TNXB: variants seen among roughly 807,000 people sequenced by gnomAD.
TNXB encodes the protein tenascin-X.
A neutral mutation model predicts 340.5 loss-of-function variants in TNXB; 183 were observed. The observed-to-expected ratio is 0.54, with a 90% CI of 0.48 to 0.61. The LOEUF is 0.61. TNXB is among the 20% of genes least tolerant of loss of function. The pLI is 0.00. For synonymous variants in TNXB, 2,121 were observed against 2,314.5 expected, an observed-to-expected ratio of 0.92 and a Z score of 2.40; for missense variants, 4,613 against 5,446.4, an observed-to-expected ratio of 0.85 and a Z score of 4.82.
In TNXB at chr6:32,062,775, GC is replaced by G. The variant is rs1554319338; in HGVS notation, c.6842-293del. Reference sequence around the variant, plus strand: ...ATGCTTTATAAGAACACCAACCAGGGCCGGGTGTGGTGGCTCAGGCCTGTAA... The same window carrying G: ...ATGCTTTATAAGAACACCAACCAGGGCGGGTGTGGTGGCTCAGGCCTGTAA... On this transcript the variant is annotated intron_variant, in intron 19 of 43. Transcript: ENST00000644971. This position sits in a 1 kb window ranked among gnomAD's most constrained non-coding sequence, Gnocchi z 4.3. 1.3e-5 allele frequency among the ~76,000 whole-genome samples: 2 copies of G among 152,244 alleles called. No homozygotes were observed. The highest frequency in any genetic ancestry group is 2.9e-5 in the Non-Finnish European group (2 of 68,042).
In TNXB at chr6:32,062,232, T is replaced by G. The variant is rs1195935577; in HGVS notation, c.7093A>C (p.Asn2365His). The change falls in exon 20 of 44, where the codon AAC (asparagine) becomes CAC (histidine). Residue 2365 changes from asparagine to histidine, a missense_variant. Physicochemically the swap from Asn to His is moderately conservative, Grantham distance 68. Coordinates refer to ENST00000644971, the MANE Select transcript of TNXB (RefSeq NM_001365276.2). This position sits in a 1 kb window ranked among gnomAD's most constrained non-coding sequence, Gnocchi z 4.3. ...RVTISGLEPD[N>H]KYKMNLYGFH... ...CCGTACAGGTTCATCTTGTACTTGT[T>G]GTCTGGCTCCAGGCCGGAGATGGTG... 1.3e-5 allele frequency: 21 copies of G among 1,613,292 alleles called. 1 individual carries two copies. Among genetic ancestry groups the G allele is most frequent in the East Asian group, 4.5e-5 (2 of 44,888 alleles).
rs986920165 is a variant in TNXB, at chr6:32,108,302, C to A, written c.-9+879G>T. Among the ~76,000 whole-genome samples the A allele has an allele frequency of 1.3e-5, 2 of 152,110 alleles. No homozygotes were observed. Among genetic ancestry groups the A allele is most frequent in the Admixed American group, 6.5e-5 (1 of 15,282 alleles). ...TCTATGCCATTAAATTCTTTCCAGG[C>A]GAGATAAGGGGCCCGCCCTTCCCAC... On this transcript the variant is annotated intron_variant, in intron 1 of 43. Transcript: ENST00000644971. This position sits in a 1 kb window ranked among gnomAD's most constrained non-coding sequence, Gnocchi z 4.8.
chr6:32,077,293 C>G (rs746210317), intron 11 of TNXB, among the ~76,000 whole-genome samples: 1 of 152,196 alleles, frequency 6.6e-6, no homozygotes, highest in South Asian at 2.1e-4. Flanking sequence ...GTGGCTTTGC[C>G]GTCTCCCTCT....
At chr6:32,099,398 A>G (rs1307057132) in intron 1 of TNXB, among the ~76,000 whole-genome samples, 3 of 152,080 alleles carry the variant, frequency 2.0e-5, no homozygotes, top group Non-Finnish European at 4.4e-5. Flanking sequence ...ATGCCCAGCT[A>G]ATTTTTGTAT....
chr6:32,095,304 C>T, intron 3 of TNXB, 113 bp from the exon 4 acceptor site: 1 of 822,442 alleles, frequency 1.2e-6, no homozygotes, highest in African/African-American at 1.7e-5. Context: ...CCACTCCTCT[C>T]TGCTAGTGGA....
In TNXB at chr6:32,052,594, T is replaced by C. The variant is rs1777346452; in HGVS notation, c.9115+76A>G. On this transcript the variant is annotated intron_variant, in intron 26 of 43. Coordinates refer to ENST00000644971, the MANE Select transcript of TNXB (RefSeq NM_001365276.2). This position sits in a 1 kb window ranked among gnomAD's most constrained non-coding sequence, Gnocchi z 4.7. ...AGGAAGGAATACTCTTCAGAGTATG[T>C]TTTCACGAAGACTGGAGAGACAGCA... 1.3e-6 allele frequency: 2 copies of C among 1,556,190 alleles called. No homozygotes were observed. Among genetic ancestry groups the C allele is most frequent in the South Asian group, 1.2e-5 (1 of 85,780 alleles).
In TNXB at chr6:32,097,554, C is replaced by T; in HGVS notation, c.404-105G>A. On this transcript the variant is annotated intron_variant, in intron 2 of 43. Transcript: ENST00000644971. This position sits in a 1 kb window ranked among gnomAD's most constrained non-coding sequence, Gnocchi z 5.9. ...GCCCCTAGCCAGGCTAGCCTCATCT[C>T]ATAAGGCCATGTCTGCTCCCAGTTG... 1 of 1,363,772 alleles carries T rather than the reference C, an allele frequency of 7.3e-7. No individual in the cohort carries two copies. The highest frequency in any genetic ancestry group is 9.9e-7 in the Non-Finnish European group (1 of 1,014,558). The allele number at this position is 1,363,772 out of a possible 1,614,324, so 84.5% of individuals were successfully genotyped here.
Position 32,056,119 on chromosome 6 carries a change from G to A in TNXB, c.8199C>T (p.Pro2733=), listed in dbSNP as rs1339039342. ...PTELSTEAPE[P]PEEPLLGELT... is the part of the protein sequence containing the mutation. ...GCTCCCCCAGGAGCGGCTCCTCAGGGGGCTCCGGGGCCTCAGTGCTGAGTT... is the reference window on the plus strand; with the variant it reads ...GCTCCCCCAGGAGCGGCTCCTCAGGAGGCTCCGGGGCCTCAGTGCTGAGTT... The change falls in exon 24 of 44, where the codon CCC becomes CCT. Residue 2733 remains proline (P), a synonymous_variant. Transcript: ENST00000644971. The A allele has an allele frequency of 3.1e-6, 5 of 1,612,554 alleles. No homozygotes were observed. The highest frequency in any genetic ancestry group is 4.2e-6 in the Non-Finnish European group (5 of 1,179,842).
chr6:32,085,973 C>T lies in TNXB; in HGVS notation c.2925G>A (p.Gly975=), dbSNP rs1214132490. 6.2e-7 allele frequency: 1 copy of T among 1,608,116 alleles called. No homozygotes were observed. Among genetic ancestry groups the T allele is most frequent in the Middle Eastern group, 1.8e-4 (1 of 5,458 alleles). Residue 975 remains glycine (G), a synonymous_variant, in exon 7 of 44, where the codon GGG becomes GGA. Transcript: ENST00000644971. The surrounding 1 kb of genome is among the most constrained non-coding windows in gnomAD (Gnocchi z 6.4). ...ELRVLGRDET[G]RLRVVWTAQP... ...GGGCGGTCCAGACCACACGGAGGCG[C>T]CCTGTCTCATCTCTGCCCAGCACCC...
chr6:32,097,163 C>T lies in TNXB; in HGVS notation c.690G>A (p.Gln230=). The T allele has an allele frequency of 6.3e-7, 1 of 1,592,994 alleles. No individual in the cohort carries two copies. Among genetic ancestry groups the T allele is most frequent in the Non-Finnish European group, 8.5e-7 (1 of 1,170,836 alleles). ...GDCQGRGRCV[Q]GVCVCRAGFS... Reference sequence around the variant, plus strand: ...AGCCTGCCCGGCACACACACACGCCCTGCACGCAGCGCCCACGGCCTTGGC... The same window carrying T: ...AGCCTGCCCGGCACACACACACGCCTTGCACGCAGCGCCCACGGCCTTGGC... Residue 230 remains glutamine (Q), a synonymous_variant, in exon 3 of 44, where the codon CAG becomes CAA. Transcript: ENST00000644971. This position sits in a 1 kb window ranked among gnomAD's most constrained non-coding sequence, Gnocchi z 5.9.
intron 1 of TNXB, among the ~76,000 whole-genome samples, chr6:32,105,673 C>T (rs1049246866): frequency 4.6e-5 from 7 of 152,334 alleles, no homozygotes; most frequent in African/African-American, 9.6e-5. Flanking sequence ...TGGTTAGACA[C>T]AGCCACCAGG....
chr6:32,070,074 T>G lies in TNXB; in HGVS notation c.5278+53A>C. On this transcript the variant is annotated intron_variant, in intron 14 of 43. Transcript: ENST00000644971. The surrounding 1 kb of genome is among the most constrained non-coding windows in gnomAD (Gnocchi z 6.0). ...ATGGCAGCCACCACAAGTGACCGTCTGCTGCTTGGCCTGAGGGGAGCAGAG... is the reference window on the plus strand; with the variant it reads ...ATGGCAGCCACCACAAGTGACCGTCGGCTGCTTGGCCTGAGGGGAGCAGAG... 6.7e-7 allele frequency: 1 copy of G among 1,488,034 alleles called. No individual in the cohort carries two copies. The highest frequency in any genetic ancestry group is 8.9e-7 in the Non-Finnish European group (1 of 1,124,014). The allele number at this position is 1,488,034 out of a possible 1,614,324, so 92.2% of individuals were successfully genotyped here.
At position 32,068,541 on chromosome 6, in the gene TNXB, A is replaced by T; in HGVS notation, c.6069T>A (p.Asn2023Lys). ...QFDHFLVQYR[N>K]GDGQPKAVRV... ...TCACTGCCTTGGGCTGCCCATCTCC[A>T]TTCCTGTACTGGACCAGGAAGTGGT... The change falls in exon 17 of 44, where the codon AAT becomes AAA. Residue 2023 changes from asparagine (N) to lysine (K), a missense_variant. This residue lies in a region of TNXB where 4,327 missense variants were observed against 4,859.4 expected (regional missense o/e 0.89). Coordinates refer to ENST00000644971, the MANE Select transcript of TNXB (RefSeq NM_001365276.2). This position sits in a 1 kb window ranked among gnomAD's most constrained non-coding sequence, Gnocchi z 5.3. 2 of 1,613,922 alleles carry T rather than the reference A, an allele frequency of 1.2e-6. No homozygotes were observed. Among genetic ancestry groups the T allele is most frequent in the Non-Finnish European group, 1.7e-6 (2 of 1,179,890 alleles).
rs755277530 is a variant in TNXB, at chr6:32,068,720, A to G, written c.5903-13T>C. On this transcript the variant is annotated splice_polypyrimidine_tract_variant and intron_variant, in intron 16 of 43. Coordinates refer to ENST00000644971, the MANE Select transcript of TNXB (RefSeq NM_001365276.2). The surrounding 1 kb of genome is among the most constrained non-coding windows in gnomAD (Gnocchi z 5.3). ...TCCTCCTCCGGGACTGGACAGAGAC[A>G]TGGAAAGAGAGGACTGAGGTGGGCA... 13 of 1,609,684 alleles carry G rather than the reference A, an allele frequency of 8.1e-6. No homozygotes were observed. Among genetic ancestry groups the G allele is most frequent in the Non-Finnish European group, 1.1e-5 (13 of 1,176,878 alleles).
chr6:32,049,801 ACTC>A lies in TNXB; in HGVS notation c.9439+194_9439+196del, dbSNP rs1161458445. The stretch of plus-strand genomic sequence containing the variant: ...CTGGCACAGCCACCAGCACAGCAAA[ACTC>A]CTGATGGCCCCTCCCTGCTCAGGGG... On this transcript the variant is annotated intron_variant, in intron 27 of 43. Transcript: ENST00000644971. This position sits in a 1 kb window ranked among gnomAD's most constrained non-coding sequence, Gnocchi z 4.5. Among the ~76,000 whole-genome samples the A allele has an allele frequency of 6.6e-6, 1 of 151,886 alleles. No homozygotes were observed. The highest frequency in any genetic ancestry group is 1.5e-5 in the Non-Finnish European group (1 of 67,938).
In TNXB at chr6:32,070,206, G is replaced by C. The variant is rs556400560; in HGVS notation, c.5199C>G (p.Ala1733=). 10 of 1,611,852 alleles carry C rather than the reference G, an allele frequency of 6.2e-6. No individual in the cohort carries two copies. The East Asian group carries it at 2.0e-4, about 32-fold the overall frequency. Residue 1733 remains alanine (A), a synonymous_variant, in exon 14 of 44, where the codon GCC becomes GCG. Transcript: ENST00000644971. This position sits in a 1 kb window ranked among gnomAD's most constrained non-coding sequence, Gnocchi z 6.0. ...ERSVTVTPLD[A]GRKYRFLLYG... The stretch of plus-strand genomic sequence containing the variant: ...AGAGGAGGAATCTGTACTTGCGGCC[G>C]GCATCCAGAGGGGTGACAGTGACAG...
At chr6:32,071,077 G>A (rs1778743123) in intron 13 of TNXB, among the ~76,000 whole-genome samples, 1 of 152,190 alleles carries the variant, frequency 6.6e-6, no homozygotes, top group African/African-American at 2.4e-5. Context: ...GAAGGAGCTG[G>A]CCTGCTGCCT....
chr6:32,048,444 G>T lies in TNXB; in HGVS notation c.9964C>A (p.Pro3322Thr). The T allele has an allele frequency of 6.3e-7, 1 of 1,579,414 alleles. No homozygotes were observed. Among genetic ancestry groups the T allele is most frequent in the Non-Finnish European group, 8.6e-7 (1 of 1,161,670 alleles). Reference sequence around the variant, plus strand: ...AGCAGGAACTTGTACTTGCGGGCCGGGTCCAGCCCCGAGACGGCGACCGCT... The same window carrying T: ...AGCAGGAACTTGTACTTGCGGGCCGTGTCCAGCCCCGAGACGGCGACCGCT... The part of the protein sequence containing the change: ...LRAVAVSGLD[P>T]ARKYKFLLFG... The change falls in exon 29 of 44, where the codon CCG becomes ACG. Residue 3322 changes from proline (P) to threonine (T), a missense_variant. Physicochemically the swap from Pro to Thr is conservative, Grantham distance 38. This residue lies in a region of TNXB where 4,327 missense variants were observed against 4,859.4 expected (regional missense o/e 0.89). Coordinates refer to ENST00000644971, the MANE Select transcript of TNXB (RefSeq NM_001365276.2).
rs559038080 is a variant in TNXB at position 32,067,482 on chromosome 6, C to T, written c.6544+179G>A. ...GTCCCTGGGGGCCTTTCCCATATGG[C>T]TCCGACACTTCTCCTGGATTTGCTC... is the stretch of plus-strand genomic sequence containing the variant. On this transcript the variant is annotated intron_variant, in intron 18 of 43. Coordinates refer to ENST00000644971, the MANE Select transcript of TNXB (RefSeq NM_001365276.2). This position sits in a 1 kb window ranked among gnomAD's most constrained non-coding sequence, Gnocchi z 4.2. Among the ~76,000 whole-genome samples, 2 of 152,276 alleles carry T rather than the reference C, an allele frequency of 1.3e-5. No homozygotes were observed. The highest frequency in any genetic ancestry group is 4.8e-5 in the African/African-American group (2 of 41,548).
Sources: gnomAD v4.1 joint callset for allele counts (sites outside exome capture counted in the v4.1 genomes callset) on GRCh38, gnomAD v4.1.1 for gene constraint, gnomAD v4.1.1 regional missense constraint, Gnocchi (gnomAD v3.1) non-coding constraint, MANE v1.5 for transcripts, NCBI Gene and HGNC (gene_info 2026-07-23, HGNC 2026-07-21) for gene names.